Variants in ZNRF1 observed in about 807,000 individuals in gnomAD.
ZNRF1 encodes zinc and ring finger 1.
ZNRF1 carries 3 observed loss-of-function variants against 18.4 expected under a neutral mutation model. That is an observed-to-expected ratio of 0.16 (90% CI 0.07 to 0.42). The LOEUF is 0.42. Among genes scored for constraint, ZNRF1 ranks in the 10% least tolerant of loss-of-function variants. The pLI is 0.99. For missense variants in ZNRF1, 310 were observed against 329.8 expected (o/e 0.94, Z 0.47); for synonymous variants, 157 against 144.2 (o/e 1.09, Z -0.64).
At chr16:75,027,309 A>G (rs913970633) in intron 1 of ZNRF1, among the ~76,000 whole-genome samples, 1 of 152,190 alleles carries the variant, frequency 6.6e-6, no homozygotes, top group African/African-American at 2.4e-5. Context: ...TGGCTCTAAT[A>G]AATGGTATCT....
chr16:75,002,519 A>G (rs1050103716), intron 1 of ZNRF1: 12 of 152,208 alleles, frequency 7.9e-5, no homozygotes, highest in African/African-American at 2.7e-4. Flanking sequence ...CACAGAAAAC[A>G]GTTGTCAGTG....
At chr16:75,052,327 G>A (rs1057154981) in intron 1 of ZNRF1, among the ~76,000 whole-genome samples, 1 of 151,990 alleles carries the variant, frequency 6.6e-6, no homozygotes, top group East Asian at 1.9e-4. Flanking sequence ...CTTGAGCCCA[G>A]GAGGCAGAGG....
chr16:75,021,171 G>C (rs935163456), intron 1 of ZNRF1, among the ~76,000 whole-genome samples: 1 of 152,140 alleles, frequency 6.6e-6, no homozygotes, highest in African/African-American at 2.4e-5. Flanking sequence ...CTCGCAAGTA[G>C]CTGGGATCAC....
chr16:75,104,748 C>G (rs750933821), intron 2 of ZNRF1, 36 bp from the exon 3 acceptor site: 1 of 1,555,980 alleles, frequency 6.4e-7, no homozygotes, highest in South Asian at 1.2e-5. Context: ...CCACTGGTGA[C>G]TAACCCTCCT....
chr16:75,106,637 GT>G, intron 4 of ZNRF1, 66 bp downstream of exon 4: 3 of 1,382,230 alleles, frequency 2.2e-6, no homozygotes, highest in Non-Finnish European at 3.1e-6. Context: ...GGGGCCTGCA[GT>G]TTAGGGAGCC....
chr16:75,046,441 G>C (rs553459159), intron 1 of ZNRF1, among the ~76,000 whole-genome samples: 2 of 150,588 alleles, frequency 1.3e-5, no homozygotes, highest in African/African-American at 4.9e-5. Flanking sequence ...TAGTGGAGAC[G>C]GGGTTTCACC....
chr16:75,075,596 G>C (rs1262168294), intron 1 of ZNRF1, among the ~76,000 whole-genome samples: 1 of 152,138 alleles, frequency 6.6e-6, no homozygotes, highest in Admixed American at 6.5e-5. Context: ...ACACATTTCC[G>C]TGAAGTGTGA....
At chr16:75,084,493 C>T (rs1177257527) in intron 1 of ZNRF1, 1 of 152,184 alleles carries the variant, frequency 6.6e-6, no homozygotes, top group South Asian at 2.1e-4. Context: ...AAAAGAGTCA[C>T]ACTGGCACCA....
At chr16:75,006,474 C>T (rs2034918855) in intron 1 of ZNRF1, among the ~76,000 whole-genome samples, 1 of 152,150 alleles carries the variant, frequency 6.6e-6, no homozygotes, top group Admixed American at 6.5e-5. Context: ...CTCACTCTGT[C>T]ACCCAGGCTG....
intron 2 of ZNRF1, among the ~76,000 whole-genome samples, chr16:75,094,156 A>T (rs754833680): frequency 6.6e-6 from 1 of 152,194 alleles, no homozygotes; most frequent in Non-Finnish European, 1.5e-5. Context: ...ACTCGGACGA[A>T]CACCTGATTT....
At chr16:75,079,004 T>C (rs1302949279) in intron 1 of ZNRF1, among the ~76,000 whole-genome samples, 1 of 152,202 alleles carries the variant, frequency 6.6e-6, no homozygotes, top group Non-Finnish European at 1.5e-5. Flanking sequence ...CTCCATGCCT[T>C]ACTCCCAACC....
intron 1 of ZNRF1, among the ~76,000 whole-genome samples, chr16:75,064,303 AAATAAT>A (rs947871798): frequency 1.3e-5 from 2 of 151,250 alleles, no homozygotes; most frequent in South Asian, 2.1e-4. Flanking sequence ...CCCCATCTCA[AAATAAT>A]AATAATAATT....
intron 1 of ZNRF1, among the ~76,000 whole-genome samples, chr16:75,085,683 A>G (rs180888126): frequency 1.6e-3 from 250 of 152,116 alleles, no homozygotes; most frequent in African/African-American, 5.6e-3. Context: ...ACACATCTTC[A>G]CCGACATTAC....
intron 1 of ZNRF1, among the ~76,000 whole-genome samples, chr16:75,005,787 T>TTCTC (rs149900094): frequency 6.6e-6 from 1 of 151,666 alleles, no homozygotes; most frequent in Non-Finnish European, 1.5e-5. Flanking sequence ...TGTGAATGTG[T>TTCTC]TCTCTCTCTC....
chr16:75,083,285 C>T (rs777131460), intron 1 of ZNRF1, among the ~76,000 whole-genome samples: 7 of 152,196 alleles, frequency 4.6e-5, no homozygotes, highest in African/African-American at 9.6e-5. Context: ...CACATCCATC[C>T]TTGGTTGGAC....
chr16:75,073,837 A>G (rs1018872892), intron 1 of ZNRF1, among the ~76,000 whole-genome samples: 19 of 152,118 alleles, frequency 1.2e-4, no homozygotes, highest in African/African-American at 4.6e-4. Flanking sequence ...TCGCTAGGAA[A>G]TATACCCAGA....
chr16:75,015,756 A>T (rs1335838920), intron 1 of ZNRF1, among the ~76,000 whole-genome samples: 1 of 151,910 alleles, frequency 6.6e-6, no homozygotes, highest in Non-Finnish European at 1.5e-5. Flanking sequence ...ACTGATTCAA[A>T]GTACTGGGAT....
chr16:75,101,592 C>G (rs577668793), intron 2 of ZNRF1, among the ~76,000 whole-genome samples: 5 of 152,226 alleles, frequency 3.3e-5, no homozygotes, highest in Non-Finnish European at 5.9e-5. Flanking sequence ...CATGCACCAC[C>G]TGGAGTCTGC....
chr16:75,051,556 C>G (rs1461203220), intron 1 of ZNRF1, among the ~76,000 whole-genome samples: 1 of 151,170 alleles, frequency 6.6e-6, no homozygotes, highest in Non-Finnish European at 1.5e-5. Flanking sequence ...CTTGCTGTGT[C>G]TCCCAGGCTA....
Sources: allele counts gnomAD v4.1 joint callset (sites outside exome capture counted in the v4.1 genomes callset), GRCh38; gene constraint gnomAD v4.1.1; transcripts MANE v1.5; gene names NCBI Gene and HGNC (gene_info 2026-07-23, HGNC 2026-07-21).